ADCY2: variants seen among roughly 807,000 people sequenced by gnomAD.
ADCY2 encodes adenylate cyclase 2.
ADCY2 carries 31 observed loss-of-function variants against 125.2 expected under a neutral mutation model. The observed-to-expected ratio is 0.25, with a 90% CI of 0.19 to 0.33. ADCY2 has a LOEUF of 0.33. ADCY2 is among the 10% of genes least tolerant of loss of function. The probability of loss-of-function intolerance (pLI) is 1.00; values close to 1 mark genes in which losing one functional copy is unlikely to be tolerated. For synonymous variants in ADCY2, 512 were observed against 548.4 expected (o/e 0.93, Z 0.93); for missense variants, 904 against 1,418.2 (o/e 0.64, Z 5.82).
intron 2 of ADCY2, among the ~76,000 whole-genome samples, chr5:7,493,359 T>A (rs2126491795): frequency 6.6e-6 from 1 of 151,756 alleles, no homozygotes; most frequent in South Asian, 2.1e-4. Flanking sequence ...TAAGAGGAAG[T>A]GAGTGCCTGT....
chr5:7,645,018 G>T (rs1182915984), intron 4 of ADCY2, among the ~76,000 whole-genome samples: 1 of 152,162 alleles, frequency 6.6e-6, no homozygotes, highest in African/African-American at 2.4e-5. Flanking sequence ...TTATGAGCAT[G>T]GCTGTAGTTT....
chr5:7,757,258 G>T (rs1264497899), intron 15 of ADCY2, among the ~76,000 whole-genome samples, 191 bp from the exon 16 acceptor site: 2 of 152,136 alleles, frequency 1.3e-5, no homozygotes, highest in Non-Finnish European at 2.9e-5. Flanking sequence ...GTTCTCAATT[G>T]GTAGCAATGA....
At chr5:7,567,834 A>G (rs940529709) in intron 3 of ADCY2, among the ~76,000 whole-genome samples, 1 of 152,198 alleles carries the variant, frequency 6.6e-6, no homozygotes, top group African/African-American at 2.4e-5. Flanking sequence ...ATGTTAGATC[A>G]CAGAAACACA....
At chr5:7,771,731 GC>G (rs1743563280) in intron 17 of ADCY2, among the ~76,000 whole-genome samples, 1 of 152,188 alleles carries the variant, frequency 6.6e-6, no homozygotes, top group South Asian at 2.1e-4. Context: ...GATGGCTTTA[GC>G]TGGGGAAATC....
chr5:7,505,002 C>T (rs1038481411), intron 2 of ADCY2, among the ~76,000 whole-genome samples: 8 of 151,908 alleles, frequency 5.3e-5, no homozygotes, highest in Admixed American at 6.6e-5. Context: ...CCCAGCCTCC[C>T]GAGTAACTGG....
chr5:7,638,243 T>G (rs907219169), intron 4 of ADCY2, among the ~76,000 whole-genome samples: 1 of 152,322 alleles, frequency 6.6e-6, no homozygotes, highest in African/African-American at 2.4e-5. Flanking sequence ...GTGAGGCAGA[T>G]TCTCCAGGAA....
At chr5:7,646,862 G>A (rs1360687322) in intron 4 of ADCY2, among the ~76,000 whole-genome samples, 1 of 152,162 alleles carries the variant, frequency 6.6e-6, no homozygotes, top group Non-Finnish European at 1.5e-5. Flanking sequence ...GGGTTTTCGA[G>A]AAAAGCTTGA....
At chr5:7,501,345 G>A (rs1743562552) in intron 2 of ADCY2, among the ~76,000 whole-genome samples, 1 of 152,128 alleles carries the variant, frequency 6.6e-6, no homozygotes, top group African/African-American at 2.4e-5. Context: ...CATGCAGAAG[G>A]ATTTCTAAAG....
At chr5:7,654,759 C>G (rs1401912281) in intron 4 of ADCY2, among the ~76,000 whole-genome samples, 1 of 152,146 alleles carries the variant, frequency 6.6e-6, no homozygotes, top group Non-Finnish European at 1.5e-5. Context: ...ATAAACATTG[C>G]TGCCACTGAA....
chr5:7,448,497 G>C (rs149313261), intron 2 of ADCY2, among the ~76,000 whole-genome samples: 2 of 151,786 alleles, frequency 1.3e-5, no homozygotes, highest in Non-Finnish European at 2.9e-5. Flanking sequence ...CAACTTTTAA[G>C]TTCTGGGGTA....
At chr5:7,498,974 CA>C (rs1376079738) in intron 2 of ADCY2, among the ~76,000 whole-genome samples, 1 of 152,068 alleles carries the variant, frequency 6.6e-6, no homozygotes, top group African/African-American at 2.4e-5. Context: ...TAAAAATAGC[CA>C]AAATTATCCA....
chr5:7,525,250 G>A (rs1043130565), intron 3 of ADCY2, among the ~76,000 whole-genome samples: 36 of 152,226 alleles, frequency 2.4e-4, no homozygotes, highest in Admixed American at 1.8e-3. Context: ...CAGGCAATCC[G>A]CCAGCCTTGG....
intron 5 of ADCY2, among the ~76,000 whole-genome samples, chr5:7,694,004 C>T (rs775137731): frequency 3.3e-5 from 5 of 152,142 alleles, no homozygotes; most frequent in African/African-American, 7.2e-5. Flanking sequence ...TATAAGTCAG[C>T]GTGGAAGAAA....
chr5:7,632,418 A>AT (rs1306283905), intron 4 of ADCY2, among the ~76,000 whole-genome samples: 2 of 151,674 alleles, frequency 1.3e-5, no homozygotes, highest in African/African-American at 4.9e-5. Context: ...TGGTCATCAC[A>AT]TTTTTTTCAT....
chr5:7,443,676 G>A (rs1381316646), intron 2 of ADCY2, among the ~76,000 whole-genome samples: 2 of 135,666 alleles, frequency 1.5e-5, no homozygotes, highest in African/African-American at 2.8e-5. Context: ...AAAAGGATAC[G>A]TATGTGAGCA....
chr5:7,754,153 GA>G (rs1742913873), intron 15 of ADCY2, among the ~76,000 whole-genome samples: 2 of 152,098 alleles, frequency 1.3e-5, no homozygotes, highest in Non-Finnish European at 2.9e-5. Flanking sequence ...CACACGAACA[GA>G]AAAAAATTCC....
intron 1 of ADCY2, among the ~76,000 whole-genome samples, chr5:7,401,153 A>C (rs7716437): frequency 0.17 from 26,393 of 152,206 alleles, 2,496 homozygotes; most frequent in Non-Finnish European, 0.21. Flanking sequence ...CAATTAGTAC[A>C]TGCAAAGCCC....
chr5:7,678,764 C>T (rs1022621900), intron 4 of ADCY2, among the ~76,000 whole-genome samples: 10 of 152,126 alleles, frequency 6.6e-5, no homozygotes, highest in East Asian at 3.9e-4. Context: ...ATTTCTCAGG[C>T]GAAAGGTCAA....
At chr5:7,579,254 C>A (rs1398203993) in intron 3 of ADCY2, among the ~76,000 whole-genome samples, 14 of 152,204 alleles carry the variant, frequency 9.2e-5, no homozygotes, top group Non-Finnish European at 1.5e-5. Context: ...CCTGGATGAC[C>A]TTTCTCTTTT....
Sources: gnomAD v4.1 joint callset for allele counts (sites outside exome capture counted in the v4.1 genomes callset) on GRCh38, gnomAD v4.1.1 for gene constraint, MANE v1.5 for transcripts, NCBI Gene and HGNC (gene_info 2026-07-23, HGNC 2026-07-21) for gene names.